Variants in SLC25A36 observed in about 807,000 individuals in gnomAD.
The protein encoded by SLC25A36 is epididymis secretory sperm binding protein.
In SLC25A36, 24 loss-of-function variants were observed where a neutral mutation model predicts 35.3. The observed-to-expected ratio is 0.68, with a 90% CI of 0.49 to 0.96. The LOEUF (loss-of-function observed/expected upper bound fraction) is 0.96. SLC25A36 is among the 40% of genes least tolerant of loss of function. The probability of loss-of-function intolerance (pLI) is 0.00; values close to 1 mark genes in which losing one functional copy is unlikely to be tolerated. For synonymous variants in SLC25A36, 141 were observed against 132.2 expected (o/e 1.07, Z -0.46); for missense variants, 294 against 381.1 (o/e 0.77, Z 1.90).
At chr3:140,957,959 G>T (rs988373971) in intron 2 of SLC25A36, among the ~76,000 whole-genome samples, 6 of 152,020 alleles carry the variant, frequency 3.9e-5, no homozygotes, top group African/African-American at 1.4e-4. Context: ...TTTTAGTTCC[G>T]AAGTTTTTCA....
intron 2 of SLC25A36, among the ~76,000 whole-genome samples, chr3:140,958,147 C>CTGAGA (rs1185021200): frequency 3.3e-5 from 5 of 152,138 alleles, no homozygotes; most frequent in Non-Finnish European, 7.4e-5. Context: ...TCTGGCTACT[C>CTGAGA]AGTTCAGGCC....
At chr3:140,950,234 CTT>C (rs1375363307) in intron 1 of SLC25A36, among the ~76,000 whole-genome samples, 1 of 152,062 alleles carries the variant, frequency 6.6e-6, no homozygotes, top group Non-Finnish European at 1.5e-5. Flanking sequence ...TCTTGAATAA[CTT>C]CATTCCTCCC....
intron 1 of SLC25A36, among the ~76,000 whole-genome samples, chr3:140,949,439 C>T (rs1934257945): frequency 6.6e-6 from 1 of 152,054 alleles, no homozygotes; most frequent in African/African-American, 2.4e-5. Flanking sequence ...TTAGTGATAC[C>T]ATATTAAACA....
intron 2 of SLC25A36, 46 bp downstream of exon 2, chr3:140,956,737 G>C: frequency 6.6e-7 from 1 of 1,526,120 alleles, no homozygotes; most frequent in Non-Finnish European, 8.8e-7. Context: ...GTTTGCGTTA[G>C]TGAGTTCCAG....
chr3:140,959,410 AAGTACCAG>A (rs1425108665), intron 2 of SLC25A36, 45 bp from the exon 3 acceptor site: 4 of 951,912 alleles, frequency 4.2e-6, no homozygotes, highest in Non-Finnish European at 6.1e-6. Context: ...AAAGTAAATA[AAGTACCAG>A]ACTTTGAAAG....
At position 140,977,888 on chromosome 3, in the gene SLC25A36, G is replaced by T. The variant is rs538956221; in HGVS notation, c.*1435G>T. The T allele has an allele frequency of 8.6e-5, 13 of 151,376 alleles. No homozygotes were observed. The highest frequency in any genetic ancestry group is 2.9e-4 in the African/African-American group (12 of 41,180). 9.4% of individuals were successfully genotyped at this position (151,376 alleles called of 1,614,324 possible). On this transcript the variant is annotated 3_prime_UTR_variant, in exon 7 of 7. Coordinates refer to ENST00000324194, the MANE Select transcript of SLC25A36 (RefSeq NM_001104647.3). Reference sequence around the variant, plus strand: ...TGAAAGCACTTTGTGGCCTTTTTTGGGGGGGAGGGTGAGAGAGTAGGAGAG... The same window carrying T: ...TGAAAGCACTTTGTGGCCTTTTTTGTGGGGGAGGGTGAGAGAGTAGGAGAG...
chr3:140,957,170 T>C (rs17353753), intron 2 of SLC25A36: 1,831 of 152,420 alleles, frequency 0.012, 16 homozygotes, highest in South Asian at 0.021. Context: ...AAGATTTGTT[T>C]TTACAGTTTG....
intron 2 of SLC25A36, among the ~76,000 whole-genome samples, chr3:140,958,738 TC>T (rs893516364): frequency 1.1e-4 from 16 of 152,288 alleles, no homozygotes; most frequent in African/African-American, 3.9e-4. Flanking sequence ...GAACTACATT[TC>T]TAATTGGCGG....
intron 4 of SLC25A36, chr3:140,966,069 A>G (rs1934750598): frequency 6.6e-6 from 1 of 152,102 alleles, no homozygotes; most frequent in African/African-American, 2.4e-5. Context: ...CTCAATTTTT[A>G]AAATACTAAT....
intron 4 of SLC25A36, chr3:140,964,254 G>A (rs569041155): frequency 4.6e-5 from 7 of 151,956 alleles, no homozygotes; most frequent in African/African-American, 7.2e-5. Context: ...AGCCCTTATC[G>A]TATTACAAAT....
At chr3:140,947,370 A>G (rs1934194660) in intron 1 of SLC25A36, among the ~76,000 whole-genome samples, 1 of 150,640 alleles carries the variant, frequency 6.6e-6, no homozygotes. Context: ...TGTTCCTATA[A>G]TGGATTTTTT....
At chr3:140,966,603 T>C (rs1327657764) in intron 4 of SLC25A36, among the ~76,000 whole-genome samples, 2 of 151,550 alleles carry the variant, frequency 1.3e-5, no homozygotes, top group African/African-American at 4.8e-5. Context: ...TAATAGATAA[T>C]AGTGGTAGGA....
rs1248516943 is a variant in SLC25A36 at position 140,978,593 on chromosome 3, A to G, written c.*2140A>G. ...ACAAGTGTCCTTCAAGGATAAACAT[A>G]TATTCTCTATTTGTATTTAGCAAGT... On this transcript the variant is annotated 3_prime_UTR_variant, in exon 7 of 7. Transcript: ENST00000324194. 2 of 152,212 alleles carry G rather than the reference A, an allele frequency of 1.3e-5. No individual in the cohort carries two copies. The highest frequency in any genetic ancestry group is 2.4e-5 in the African/African-American group (1 of 41,454). The allele number at this position is 152,212 out of a possible 1,614,324, so 9.4% of individuals were successfully genotyped here. A position where few individuals can be genotyped will look rare whatever the true frequency, so the allele number is the denominator to read the frequency against.
At chr3:140,972,998 T>A (rs1934945001) in intron 5 of SLC25A36, 1 of 152,174 alleles carries the variant, frequency 6.6e-6, no homozygotes. Context: ...AACTCAAAAT[T>A]ACATGTGTAG....
intron 1 of SLC25A36, among the ~76,000 whole-genome samples, chr3:140,954,222 C>T (rs1204726690): frequency 4.6e-5 from 7 of 152,014 alleles, no homozygotes; most frequent in Non-Finnish European, 7.4e-5. Flanking sequence ...TGAGATTTAC[C>T]CAGGTGGTGG....
In SLC25A36 at chr3:140,971,188, A is replaced by G. The variant is rs746590907; in HGVS notation, c.452+195A>G. On this transcript the variant is annotated intron_variant, in intron 5 of 6. Transcript: ENST00000324194. ...TCCAGGTGAAAAAAGTATATTATTA[A>G]TATGTGTTGTTTTGTTTTGTTTTGT... 5.9e-5 allele frequency among the ~76,000 whole-genome samples: 9 copies of G among 151,910 alleles called. 1 individual carries two copies. Among genetic ancestry groups the G allele is most frequent in the East Asian group, 1.9e-4 (1 of 5,204 alleles).
At chr3:140,955,491 G>A (rs1934456414) in intron 1 of SLC25A36, among the ~76,000 whole-genome samples, 1 of 152,080 alleles carries the variant, frequency 6.6e-6, no homozygotes, top group African/African-American at 2.4e-5. Flanking sequence ...TTCTACTCTT[G>A]TATTTTAAAA....
intron 1 of SLC25A36, among the ~76,000 whole-genome samples, chr3:140,951,029 C>A (rs1934310094): frequency 6.6e-6 from 1 of 151,750 alleles, no homozygotes; most frequent in African/African-American, 2.4e-5. Flanking sequence ...GCCTTAATTC[C>A]CTCTTGAATA....
intron 4 of SLC25A36, chr3:140,968,097 A>G (rs1934808926): frequency 5.1e-6 from 5 of 984,816 alleles, no homozygotes; most frequent in South Asian, 9.4e-5. Context: ...CTTACCATAT[A>G]TAATGCTAAG....
Sources: allele counts gnomAD v4.1 joint callset (sites outside exome capture counted in the v4.1 genomes callset), GRCh38; gene constraint gnomAD v4.1.1; transcripts MANE v1.5; gene names NCBI Gene and HGNC (gene_info 2026-07-23, HGNC 2026-07-21).